Variants in SHTN1 observed in about 807,000 individuals in gnomAD.
SHTN1 encodes the protein shootin 1, also known as shootin-1.
In SHTN1, 42 loss-of-function variants were observed where a neutral mutation model predicts 83.1. The observed-to-expected ratio is 0.51, with a 90% confidence interval of 0.39 to 0.65. SHTN1 has a LOEUF of 0.65. Among genes scored for constraint, SHTN1 ranks in the 30% least tolerant of loss-of-function variants. The probability of loss-of-function intolerance (pLI) is 0.00; values close to 1 mark genes in which losing one functional copy is unlikely to be tolerated. For synonymous variants in SHTN1, 224 were observed against 247.7 expected (o/e 0.90, Z 0.90); for missense variants, 622 against 737.8 (o/e 0.84, Z 1.82).
intron 1 of SHTN1, among the ~76,000 whole-genome samples, chr10:117,003,946 G>C (rs1670337403): frequency 6.6e-6 from 1 of 152,026 alleles, no homozygotes; most frequent in Non-Finnish European, 1.5e-5. Context: ...CCAGGCTGGA[G>C]TGCAACGGCG....
At chr10:117,053,113 A>G (rs1477021325) in intron 1 of SHTN1, among the ~76,000 whole-genome samples, 2 of 151,574 alleles carry the variant, frequency 1.3e-5, no homozygotes, top group Admixed American at 6.6e-5. Flanking sequence ...ATACCTAAAT[A>G]TAAGAGCCTA....
chr10:117,031,161 G>A (rs1218364038), intron 2 of SHTN1, among the ~76,000 whole-genome samples: 1 of 152,126 alleles, frequency 6.6e-6, no homozygotes, highest in African/African-American at 2.4e-5. Flanking sequence ...ATGCCTAGTA[G>A]CACTTTTTGG....
intron 2 of SHTN1, among the ~76,000 whole-genome samples, chr10:117,043,480 T>C (rs1339061255): frequency 6.6e-6 from 1 of 152,214 alleles, no homozygotes; most frequent in African/African-American, 2.4e-5. Flanking sequence ...TACTTAAAAA[T>C]GATTAAAATG....
chr10:116,997,593 T>C (rs1233949236), intron 1 of SHTN1, among the ~76,000 whole-genome samples: 1 of 152,208 alleles, frequency 6.6e-6, no homozygotes. Context: ...GTCGACTGGC[T>C]TTATGGGTTT....
At chr10:116,903,479 C>T (rs1317477158) in intron 15 of SHTN1, among the ~76,000 whole-genome samples, 1 of 151,876 alleles carries the variant, frequency 6.6e-6, no homozygotes, top group Non-Finnish European at 1.5e-5. Context: ...GAGCCGAGAT[C>T]ACGCCACTGC....
chr10:116,904,195 T>C (rs562527898), intron 15 of SHTN1, among the ~76,000 whole-genome samples: 1 of 152,208 alleles, frequency 6.6e-6, no homozygotes, highest in Non-Finnish European at 1.5e-5. Flanking sequence ...TTCAAGTACC[T>C]GAGACACCAA....
chr10:117,008,762 T>C (rs761036159), upstream of SHTN1, among the ~76,000 whole-genome samples: 23 of 152,112 alleles, frequency 1.5e-4, no homozygotes, highest in Non-Finnish European at 2.9e-4. Context: ...GTTGGGGTAA[T>C]ACAAATTTTC....
intron 1 of SHTN1, among the ~76,000 whole-genome samples, chr10:117,063,043 C>A (rs1159780195): frequency 6.6e-6 from 1 of 152,166 alleles, no homozygotes; most frequent in Non-Finnish European, 1.5e-5. Flanking sequence ...GCTTTGTAAA[C>A]CGCAGAAGGG....
chr10:117,120,711 C>T (rs1487496775), intron 1 of SHTN1, among the ~76,000 whole-genome samples: 1 of 151,990 alleles, frequency 6.6e-6, no homozygotes, highest in Non-Finnish European at 1.5e-5. Flanking sequence ...GATAGATGAG[C>T]AGGGTGACTA....
chr10:116,969,799 G>C (rs995751237), intron 2 of SHTN1, among the ~76,000 whole-genome samples: 1 of 152,060 alleles, frequency 6.6e-6, no homozygotes, highest in African/African-American at 2.4e-5. Flanking sequence ...TTATTATAAG[G>C]ACTGAATTCA....
At chr10:116,900,917 C>CA in intron 16 of SHTN1, 1 of 985,360 alleles carries the variant, frequency 1.0e-6, no homozygotes, top group African/African-American at 1.7e-5. Context: ...TACCAGTTGG[C>CA]AAAAATAGAT....
At chr10:116,982,790 C>T in intron 1 of SHTN1, among the ~76,000 whole-genome samples, 1 of 152,080 alleles carries the variant, frequency 6.6e-6, no homozygotes, top group East Asian at 1.9e-4. Context: ...GAAACCGCAT[C>T]TCTTCTAAAA....
rs556490580 is a variant in SHTN1, at chr10:116,941,158, C to T, written c.712-546G>A. Among the ~76,000 whole-genome samples the T allele has an allele frequency of 4.6e-5, 7 of 152,238 alleles. No individual in the cohort carries two copies. The East Asian group carries it at 1.2e-3, about 25-fold the overall frequency. The stretch of plus-strand genomic sequence containing the variant: ...GGCTCAAAGAAGTTAAGCAACTTTC[C>T]CAAGAACACACGTAAGTGACAAGAC... On this transcript the variant is annotated intron_variant, in intron 8 of 16. Coordinates refer to ENST00000355371, the MANE Select transcript of SHTN1 (RefSeq NM_001127211.3).
chr10:117,115,671 T>C (rs1346223956), intron 1 of SHTN1, among the ~76,000 whole-genome samples: 2 of 152,162 alleles, frequency 1.3e-5, no homozygotes, highest in Non-Finnish European at 2.9e-5. Flanking sequence ...AAATCAACAC[T>C]GAAATTGTGA....
At chr10:117,095,386 A>G (rs528860929) in intron 1 of SHTN1, among the ~76,000 whole-genome samples, 9 of 152,360 alleles carry the variant, frequency 5.9e-5, no homozygotes, top group Admixed American at 5.9e-4. Flanking sequence ...GGGACTCAAC[A>G]TGTCTGAAGA....
chr10:116,886,440 A>G lies in SHTN1; in HGVS notation c.1800T>C (p.Asp600=). 1 of 1,611,942 alleles carries G rather than the reference A, an allele frequency of 6.2e-7. No individual in the cohort carries two copies. The highest frequency in any genetic ancestry group is 8.5e-7 in the Non-Finnish European group (1 of 1,178,788). ...PQTKDQVAEK[D]PTQHKEDEGE... is the part of the protein sequence containing the mutation. ...CTTCATCCTCCTTGTGTTGAGTTGG[A>G]TCTTTTTCAGCAACCTGGTCTTTGG... Residue 600 remains aspartate, a synonymous_variant, in exon 17 of 17, where the codon GAT becomes GAC. Coordinates refer to ENST00000355371, the MANE Select transcript of SHTN1 (RefSeq NM_001127211.3).
intron 1 of SHTN1, among the ~76,000 whole-genome samples, chr10:117,121,651 A>G (rs565849439): frequency 2.9e-4 from 44 of 152,310 alleles, no homozygotes; most frequent in African/African-American, 1.0e-3. Context: ...GGTGGTTTCC[A>G]GGAACACCCC....
chr10:117,118,043 T>A (rs1324573709), intron 1 of SHTN1, among the ~76,000 whole-genome samples: 8 of 152,088 alleles, frequency 5.3e-5, no homozygotes, highest in Admixed American at 5.2e-4. Flanking sequence ...GACAATGGGA[T>A]TACATTGAGC....
At chr10:116,985,167 A>T (rs1208618412) in intron 1 of SHTN1, among the ~76,000 whole-genome samples, 8 of 152,114 alleles carry the variant, frequency 5.3e-5, no homozygotes, top group Admixed American at 3.9e-4. Flanking sequence ...CATTCTTCCT[A>T]CCCGATTCAC....
Sources: allele counts gnomAD v4.1 joint callset (sites outside exome capture counted in the v4.1 genomes callset), GRCh38; gene constraint gnomAD v4.1.1; transcripts MANE v1.5; gene names NCBI Gene and HGNC (gene_info 2026-07-23, HGNC 2026-07-21).